ARHGAP24: variants seen among roughly 807,000 people sequenced by gnomAD.
ARHGAP24 encodes Rho GTPase activating protein 24, also known as rho GTPase-activating protein 24.
In ARHGAP24, 50 loss-of-function variants were observed where a neutral mutation model predicts 76.4. The ratio of observed to expected loss-of-function variants is 0.65; its 90% CI spans 0.52 to 0.83. The LOEUF (loss-of-function observed/expected upper bound fraction) is 0.83. ARHGAP24 is among the 40% of genes least tolerant of loss of function. The pLI is 0.00. For missense variants in ARHGAP24, 930 were observed against 914.2 expected, an observed-to-expected ratio of 1.02 and a Z score of -0.22; for synonymous variants, 345 against 323.3, an observed-to-expected ratio of 1.07 and a Z score of -0.72.
intron 3 of ARHGAP24, among the ~76,000 whole-genome samples, chr4:85,759,478 A>G (rs1726652603): frequency 6.6e-6 from 1 of 152,182 alleles, no homozygotes; most frequent in Non-Finnish European, 1.5e-5. Context: ...GATGGCTGTA[A>G]TATTGGCAAA....
chr4:85,956,397 T>C (rs1314258027), intron 5 of ARHGAP24, among the ~76,000 whole-genome samples: 1 of 152,212 alleles, frequency 6.6e-6, no homozygotes, highest in Non-Finnish European at 1.5e-5. Context: ...CTCATTCACA[T>C]ACTACCCTTG....
chr4:85,531,396 C>T (rs1725253692), intron 1 of ARHGAP24, among the ~76,000 whole-genome samples: 3 of 152,122 alleles, frequency 2.0e-5, no homozygotes, highest in East Asian at 3.9e-4. Flanking sequence ...TCTCTAATCA[C>T]AGGACTTTGA....
intron 6 of ARHGAP24, among the ~76,000 whole-genome samples, chr4:85,972,641 A>G (rs1739056124): frequency 6.6e-6 from 1 of 152,206 alleles, no homozygotes; most frequent in Non-Finnish European, 1.5e-5. Context: ...ATATTCTCAG[A>G]GTTGTGCAAC....
chr4:86,000,449 ACCCCCCACC>A (rs2148876477), intron 9 of ARHGAP24, 21 bp from the exon 10 acceptor site: 58 of 382,954 alleles, frequency 1.5e-4, no homozygotes, highest in Non-Finnish European at 2.6e-4. Flanking sequence ...TTGCGTCCCC[ACCCCCCACC>A]CCCCCCAACA....
chr4:85,711,098 G>A (rs1724510155), intron 2 of ARHGAP24, among the ~76,000 whole-genome samples: 1 of 152,132 alleles, frequency 6.6e-6, no homozygotes, highest in Non-Finnish European at 1.5e-5. Context: ...CCTTTAGAGG[G>A]ACATGGATGG....
At chr4:85,990,057 C>T (rs970828252) in intron 8 of ARHGAP24, 4 of 151,518 alleles carry the variant, frequency 2.6e-5, no homozygotes, top group East Asian at 1.9e-4. Context: ...TCTTTGTAAT[C>T]GACAAATAAA....
intron 2 of ARHGAP24, among the ~76,000 whole-genome samples, chr4:85,613,910 G>C (rs1014121834): frequency 6.6e-6 from 1 of 152,146 alleles, no homozygotes; most frequent in Non-Finnish European, 1.5e-5. Context: ...CTCAGTACCA[G>C]TTATCAGAAC....
intron 2 of ARHGAP24, among the ~76,000 whole-genome samples, chr4:85,664,218 C>T (rs1341340956): frequency 2.6e-5 from 4 of 151,358 alleles, no homozygotes. Flanking sequence ...AGAGATTCAA[C>T]TTCTTCCTGG....
At chr4:85,641,527 C>T (rs970125161) in intron 2 of ARHGAP24, among the ~76,000 whole-genome samples, 4 of 152,142 alleles carry the variant, frequency 2.6e-5, no homozygotes, top group Admixed American at 2.6e-4. Context: ...GCCATCTTCT[C>T]TCCGGGTCTT....
chr4:85,736,502 A>G (rs1725613222), intron 3 of ARHGAP24, among the ~76,000 whole-genome samples: 1 of 152,220 alleles, frequency 6.6e-6, no homozygotes, highest in South Asian at 2.1e-4. Flanking sequence ...TTCGAATCCA[A>G]AGTTTGGTTA....
At chr4:85,584,661 T>C (rs1727771787) in intron 2 of ARHGAP24, among the ~76,000 whole-genome samples, 1 of 151,930 alleles carries the variant, frequency 6.6e-6, no homozygotes. Flanking sequence ...GTGAAAAATA[T>C]AGGTATAAAA....
In ARHGAP24 at chr4:85,564,932, A is replaced by G. The variant is rs1423519979; in HGVS notation, c.-20-5590A>G. ...TAGGCAGAACACACACGGTATATAT[A>G]TATATATATATATATATATATATAT... On this transcript the variant is annotated intron_variant, in intron 1 of 9. Coordinates refer to ENST00000395184, the MANE Select transcript of ARHGAP24 (RefSeq NM_001025616.3). 5.8e-3 allele frequency among the ~76,000 whole-genome samples: 497 copies of G among 85,628 alleles called. 4 individuals are homozygous for G. Among genetic ancestry groups the G allele is most frequent in the Non-Finnish European group, 9.2e-3 (422 of 45,868 alleles). The allele number at this position is 85,628 out of a possible 152,430, so 56.2% of individuals were successfully genotyped here.
chr4:85,672,819 G>A lies in ARHGAP24; in HGVS notation c.181-49066G>A, dbSNP rs553881888. Among the ~76,000 whole-genome samples, 138 of 152,256 alleles carry A rather than the reference G, an allele frequency of 9.1e-4. 1 individual carries two copies. Among genetic ancestry groups the A allele is most frequent in the African/African-American group, 3.1e-3 (127 of 41,550 alleles). ...TGAATTCTTGCATTCTCAAAGGCTG[G>A]CTGCCTTTCTTTTTGTAATTAATTA... On this transcript the variant is annotated intron_variant, in intron 2 of 9. Coordinates refer to ENST00000395184, the MANE Select transcript of ARHGAP24 (RefSeq NM_001025616.3).
chr4:85,611,991 A>G (rs1331038106), intron 2 of ARHGAP24, among the ~76,000 whole-genome samples: 1 of 151,990 alleles, frequency 6.6e-6, no homozygotes, highest in Non-Finnish European at 1.5e-5. Context: ...GAATCCTTTA[A>G]AAATAACTGG....
At chr4:85,805,558 G>A (rs1169837629) in intron 3 of ARHGAP24, among the ~76,000 whole-genome samples, 2 of 152,074 alleles carry the variant, frequency 1.3e-5, no homozygotes, top group South Asian at 2.1e-4. Flanking sequence ...TGTTGATTGG[G>A]GATTATATTA....
chr4:85,874,914 AT>A (rs1175450928), intron 3 of ARHGAP24, among the ~76,000 whole-genome samples: 1 of 89,676 alleles, frequency 1.1e-5, no homozygotes, highest in African/African-American at 4.7e-5. Context: ...TTATATATAA[AT>A]ATATTTATAT....
At chr4:85,720,536 G>C (rs1724892049) in intron 2 of ARHGAP24, among the ~76,000 whole-genome samples, 1 of 152,152 alleles carries the variant, frequency 6.6e-6, no homozygotes, top group Non-Finnish European at 1.5e-5. Flanking sequence ...TTTGAGATAA[G>C]TGGAAATGTC....
At chr4:85,649,781 A>G (rs995006422) in intron 2 of ARHGAP24, among the ~76,000 whole-genome samples, 1 of 152,158 alleles carries the variant, frequency 6.6e-6, no homozygotes, top group African/African-American at 2.4e-5. Context: ...ACTGTGGACT[A>G]TATCCTGGCA....
chr4:85,711,450 A>G (rs1040200893), intron 2 of ARHGAP24, among the ~76,000 whole-genome samples: 1 of 152,150 alleles, frequency 6.6e-6, no homozygotes, highest in African/African-American at 2.4e-5. Context: ...TATTACTTTT[A>G]TTTTTAATTT....
Sources: allele counts gnomAD v4.1 joint callset (sites outside exome capture counted in the v4.1 genomes callset), GRCh38; gene constraint gnomAD v4.1.1; transcripts MANE v1.5; gene names NCBI Gene and HGNC (gene_info 2026-07-23, HGNC 2026-07-21).